ZC3H12D: variants seen among roughly 807,000 people sequenced by gnomAD.
ZC3H12D encodes zinc finger CCCH-type containing 12D.
Under a neutral mutation model 24.2 loss-of-function variants are expected in ZC3H12D, and 11 were observed. The observed-to-expected ratio is 0.46, with a 90% CI of 0.29 to 0.75. ZC3H12D has a LOEUF of 0.75. Among genes scored for constraint, ZC3H12D ranks in the 30% least tolerant of loss-of-function variants. The pLI is 0.11. For missense variants in ZC3H12D, 740 were observed against 767.7 expected (o/e 0.96, Z 0.43); for synonymous variants, 333 against 341.8 (o/e 0.97, Z 0.28).
At chr6:149,469,905 C>T (rs1484700573) in intron 2 of ZC3H12D, among the ~76,000 whole-genome samples, 1 of 152,090 alleles carries the variant, frequency 6.6e-6, no homozygotes, top group Non-Finnish European at 1.5e-5. Context: ...ACCCTGTGGT[C>T]CTTTCCTAGG....
At position 149,450,850 on chromosome 6, in the gene ZC3H12D, C is replaced by T. The variant is rs1053018695; in HGVS notation, c.1417G>A (p.Asp473Asn). The change falls in exon 6 of 6, where the codon GAC becomes AAC. Residue 473 changes from aspartate to asparagine, a missense_variant. Physicochemically the swap from Asp to Asn is conservative, Grantham distance 23. Transcript: ENST00000409806. ...GCCCGGGCGCGCGCGTCCCCCTCGT[C>T]GTCCTCGGTCGCGTACACTGAAAGT... ...GGLSVYATED[D>N]EGDARARARI... 2.6e-6 allele frequency: 4 copies of T among 1,544,088 alleles called. No homozygotes were observed. Among genetic ancestry groups the T allele is most frequent in the East Asian group, 2.4e-5 (1 of 40,892 alleles).
chr6:149,457,153 G>A (rs1775997706), intron 3 of ZC3H12D, among the ~76,000 whole-genome samples: 2 of 152,244 alleles, frequency 1.3e-5, no homozygotes, highest in Admixed American at 1.3e-4. Flanking sequence ...AGTCCAGAAA[G>A]CGATACTCTA....
At chr6:149,455,584 T>C (rs1416191940) in intron 4 of ZC3H12D, among the ~76,000 whole-genome samples, 3 of 141,688 alleles carry the variant, frequency 2.1e-5, no homozygotes, top group Admixed American at 1.4e-4. Flanking sequence ...GGTTTGTGCC[T>C]GTGGCCCTGT....
chr6:149,484,461 G>A (rs546829857), intron 1 of ZC3H12D, among the ~76,000 whole-genome samples: 14 of 152,164 alleles, frequency 9.2e-5, no homozygotes, highest in Admixed American at 3.3e-4. Flanking sequence ...TTCCTAATAC[G>A]TAAATATCTT....
At chr6:149,483,310 A>C (rs1194063176) in intron 1 of ZC3H12D, 1 of 151,810 alleles carries the variant, frequency 6.6e-6, no homozygotes, top group Non-Finnish European at 1.5e-5. Context: ...AATTTTTTTA[A>C]TTTTCTTTAA....
At chr6:149,478,166 CAAAAA>C (rs34745745) in intron 1 of ZC3H12D, among the ~76,000 whole-genome samples, 3 of 116,764 alleles carry the variant, frequency 2.6e-5, no homozygotes, top group Non-Finnish European at 3.6e-5. Context: ...GACTCCATCT[CAAAAA>C]AAAAAAAAAA....
intron 2 of ZC3H12D, among the ~76,000 whole-genome samples, chr6:149,465,793 T>C (rs1269711878): frequency 6.7e-6 from 1 of 149,412 alleles, no homozygotes; most frequent in Non-Finnish European, 1.5e-5. Flanking sequence ...AGCAGATCGC[T>C]GGTCCTTTCC....
intron 1 of ZC3H12D, among the ~76,000 whole-genome samples, chr6:149,482,517 T>C (rs1287760322): frequency 6.6e-6 from 1 of 152,144 alleles, no homozygotes; most frequent in African/African-American, 2.4e-5. Flanking sequence ...CAGCTTCCTG[T>C]TGTCAGAGCG....
Position 149,452,605 on chromosome 6 carries a change from G to A in ZC3H12D, c.787+11C>T. ...CTGAACAGGGCCTGCGAAGCACTGG[G>A]CCCTACCCACCATAAGGACAATGCT... On this transcript the variant is annotated intron_variant, in intron 5 of 5. Transcript: ENST00000409806. The surrounding 1 kb of genome is among the most constrained non-coding windows in gnomAD (Gnocchi z 4.0). 1 of 1,554,286 alleles carries A rather than the reference G, an allele frequency of 6.4e-7. No individual in the cohort carries two copies. Among genetic ancestry groups the A allele is most frequent in the Non-Finnish European group, 8.7e-7 (1 of 1,152,626 alleles).
intron 3 of ZC3H12D, among the ~76,000 whole-genome samples, chr6:149,458,835 T>C (rs1776029493): frequency 6.6e-6 from 1 of 152,252 alleles, no homozygotes. Flanking sequence ...ATTTCTCTGG[T>C]TGCTAATGAG....
At position 149,451,364 on chromosome 6, in the gene ZC3H12D, C is replaced by G; in HGVS notation, c.903G>C (p.Ala301=). The G allele has an allele frequency of 1.3e-6, 2 of 1,509,746 alleles. No homozygotes were observed. Among genetic ancestry groups the G allele is most frequent in the African/African-American group, 1.5e-5 (1 of 68,598 alleles). The allele number at this position is 1,509,746 out of a possible 1,614,324, so 93.5% of individuals were successfully genotyped here. ...LRAKTGARPG[A]GAEEQRPPRA... is the part of the protein sequence containing the mutation. The stretch of plus-strand genomic sequence containing the variant: ...TCGGTGGCCGCTGCTCCTCGGCGCC[C>G]GCGCCAGGCCGGGCCCCTGTCTTGG... Residue 301 remains alanine, a synonymous_variant, in exon 6 of 6, where the codon GCG becomes GCC. Transcript: ENST00000409806.
intron 2 of ZC3H12D, among the ~76,000 whole-genome samples, chr6:149,468,116 G>A (rs919600108): frequency 2.6e-5 from 4 of 152,142 alleles, no homozygotes; most frequent in African/African-American, 7.2e-5. Flanking sequence ...CGAGTAGCTG[G>A]GATTACAAGC....
intron 2 of ZC3H12D, among the ~76,000 whole-genome samples, chr6:149,465,279 G>A (rs1173801902): frequency 2.6e-5 from 4 of 151,900 alleles, no homozygotes; most frequent in Admixed American, 2.6e-4. Context: ...GCGTGAGCCT[G>A]GGAGGCAGAG....
chr6:149,477,168 C>T (rs1056775481), intron 1 of ZC3H12D, among the ~76,000 whole-genome samples: 11 of 152,272 alleles, frequency 7.2e-5, no homozygotes, highest in African/African-American at 2.4e-4. Flanking sequence ...TCACATCACT[C>T]AGCCAGGTTC....
chr6:149,455,500 G>A lies in ZC3H12D; in HGVS notation c.680+1166C>T, dbSNP rs573265244. On this transcript the variant is annotated intron_variant, in intron 4 of 5. Coordinates refer to ENST00000409806, the MANE Select transcript of ZC3H12D (RefSeq NM_207360.3). ...TGGGAGCAACAGCCCAGCTGGCTGTGCTCTGTCACACGCTGCTCGGGTCTC... is the reference window on the plus strand; with the variant it reads ...TGGGAGCAACAGCCCAGCTGGCTGTACTCTGTCACACGCTGCTCGGGTCTC... 2.0e-5 allele frequency among the ~76,000 whole-genome samples: 3 copies of A among 152,330 alleles called. No homozygotes were observed. In the East Asian group the frequency reaches 5.8e-4, roughly 29 times the overall value.
intron 2 of ZC3H12D, among the ~76,000 whole-genome samples, chr6:149,469,090 C>T (rs1583189855): frequency 6.6e-6 from 1 of 152,262 alleles, no homozygotes; most frequent in East Asian, 1.9e-4. Context: ...CTTTGAATCC[C>T]GCCTTTTCTA....
chr6:149,457,005 T>A, intron 3 of ZC3H12D, 105 bp from the exon 4 acceptor site: 1 of 1,132,182 alleles, frequency 8.8e-7, no homozygotes, highest in Non-Finnish European at 1.2e-6. Context: ...CAGATGAGGT[T>A]TTGAGGGGAG....
intron 1 of ZC3H12D, among the ~76,000 whole-genome samples, chr6:149,477,978 C>A (rs1216261600): frequency 6.6e-6 from 1 of 151,736 alleles, no homozygotes; most frequent in African/African-American, 2.4e-5. Flanking sequence ...ACCAGCCTGG[C>A]CAATATAGAG....
At chr6:149,468,933 CAG>C (rs1237326889) in intron 2 of ZC3H12D, among the ~76,000 whole-genome samples, 1 of 152,188 alleles carries the variant, frequency 6.6e-6, no homozygotes, top group Non-Finnish European at 1.5e-5. Flanking sequence ...CCAGAGCCTG[CAG>C]AGTGTCCTGA....
Sources: gnomAD v4.1 joint callset for allele counts (sites outside exome capture counted in the v4.1 genomes callset) on GRCh38, gnomAD v4.1.1 for gene constraint, Gnocchi (gnomAD v3.1) non-coding constraint, MANE v1.5 for transcripts, NCBI Gene and HGNC (gene_info 2026-07-23, HGNC 2026-07-21) for gene names.